The following XIRP2 variants were observed in gnomAD, a reference collection of about 807,000 sequenced individuals.
XIRP2 encodes the protein xin actin binding repeat containing 2, also known as xin actin-binding repeat-containing protein 2.
Under a neutral mutation model 277.0 loss-of-function variants are expected in XIRP2, and 236 were observed. The ratio of observed to expected loss-of-function variants is 0.85; its 90% CI spans 0.77 to 0.95. The LOEUF (loss-of-function observed/expected upper bound fraction) is 0.95, where lower values mean the gene tolerates loss of function less well. Among genes scored for constraint, XIRP2 ranks in the 40% least tolerant of loss-of-function variants. The pLI, the probability that XIRP2 is intolerant of heterozygous loss-of-function variation, is 0.00. For synonymous variants in XIRP2, 1,490 were observed against 1,416.5 expected, an observed-to-expected ratio of 1.05 and a Z score of -1.17; for missense variants, 4,640 against 4,157.5, an observed-to-expected ratio of 1.12 and a Z score of -3.19.
At chr2:167,115,298 T>C (rs1436231271) in intron 2 of XIRP2, among the ~76,000 whole-genome samples, 3 of 152,238 alleles carry the variant, frequency 2.0e-5, no homozygotes, top group Admixed American at 6.5e-5. Flanking sequence ...TGGGTTTTGA[T>C]GAATGTCCTT....
At chr2:167,191,567 G>T (rs1693336784) in intron 3 of XIRP2, among the ~76,000 whole-genome samples, 1 of 152,008 alleles carries the variant, frequency 6.6e-6, no homozygotes, top group South Asian at 2.1e-4. Context: ...TTGAAATTAG[G>T]ACAAATTGTG....
rs529973661 is a variant in XIRP2, at chr2:166,940,762, A to G, written c.408+36872A>G. ...AGAAGTGGAGGCTGCAGAACAGTGA[A>G]TATTGCTGAACAGCAAATGTTGCTG... is the stretch of plus-strand genomic sequence containing the variant. On this transcript the variant is annotated intron_variant, in intron 2 of 10. Coordinates refer to ENST00000409195, the MANE Select transcript of XIRP2 (RefSeq NM_152381.6). 3.3e-4 allele frequency among the ~76,000 whole-genome samples: 50 copies of G among 152,324 alleles called. 1 individual carries two copies. In the South Asian group the frequency reaches 4.1e-3, roughly 13 times the overall value.
intron 2 of XIRP2, among the ~76,000 whole-genome samples, chr2:167,089,782 A>G (rs866281216): frequency 6.6e-6 from 1 of 152,106 alleles, no homozygotes; most frequent in Non-Finnish European, 1.5e-5. Flanking sequence ...TTTTTTTAAG[A>G]TAAAGTTCTA....
chr2:167,059,695 A>G (rs889888305), intron 2 of XIRP2, among the ~76,000 whole-genome samples: 1 of 152,184 alleles, frequency 6.6e-6, no homozygotes, highest in Non-Finnish European at 1.5e-5. Flanking sequence ...AGAAAGCTAC[A>G]TACTTAGGGC....
rs777074793 is a variant in XIRP2 at position 167,248,853 on chromosome 2, T to C, written c.7461T>C (p.Asp2487=). The C allele has an allele frequency of 6.2e-6, 10 of 1,613,452 alleles. No homozygotes were observed. Among genetic ancestry groups the C allele is most frequent in the African/African-American group, 4.0e-5 (3 of 74,808 alleles). ...AGAACGTTATTAGTAAGAGTCTTGA[T>C]GAAAGAAAACAATTATCTATTGACT... is the stretch of plus-strand genomic sequence containing the variant. ...TKQNVISKSL[D]ERKQLSIDSA... The change falls in exon 9 of 11, where the codon GAT becomes GAC. Residue 2487 remains aspartate (D), a synonymous_variant. Transcript: ENST00000409195.
intron 2 of XIRP2, among the ~76,000 whole-genome samples, chr2:166,938,783 A>G (rs565337249): frequency 7.2e-5 from 11 of 152,150 alleles, no homozygotes; most frequent in African/African-American, 2.4e-4. Context: ...GTGCTCCTGT[A>G]TTGGGTGCAT....
intron 3 of XIRP2, among the ~76,000 whole-genome samples, chr2:167,150,772 A>C (rs1691994831): frequency 6.6e-6 from 1 of 152,058 alleles, no homozygotes; most frequent in Admixed American, 6.6e-5. Flanking sequence ...TACTATGATT[A>C]GCACACCTAT....
intron 2 of XIRP2, among the ~76,000 whole-genome samples, chr2:166,913,138 C>G (rs552821197): frequency 6.6e-6 from 1 of 152,198 alleles, no homozygotes; most frequent in Non-Finnish European, 1.5e-5. Context: ...AGCTGTCAGA[C>G]AGGGATGTTT....
chr2:166,927,970 A>T (rs890138685), intron 2 of XIRP2, among the ~76,000 whole-genome samples: 3 of 152,168 alleles, frequency 2.0e-5, no homozygotes, highest in Non-Finnish European at 2.9e-5. Flanking sequence ...AAGAAAGGCT[A>T]AACAATATCC....
chr2:167,129,156 T>C (rs1283056368), intron 2 of XIRP2, among the ~76,000 whole-genome samples: 2 of 152,188 alleles, frequency 1.3e-5, no homozygotes, highest in African/African-American at 2.4e-5. Flanking sequence ...TGGTCTTTTA[T>C]ATTTTGGTAA....
chr2:167,161,083 C>A (rs996007039), intron 3 of XIRP2, among the ~76,000 whole-genome samples: 2 of 152,212 alleles, frequency 1.3e-5, no homozygotes. Flanking sequence ...CCCTGTCTCA[C>A]CTCCAGGTCA....
At chr2:167,154,183 G>GT (rs1269424556) in intron 3 of XIRP2, among the ~76,000 whole-genome samples, 4 of 149,404 alleles carry the variant, frequency 2.7e-5, no homozygotes, top group Non-Finnish European at 4.5e-5. Context: ...TTTTTCATGT[G>GT]TTTTTTGGCT....
intron 3 of XIRP2, among the ~76,000 whole-genome samples, chr2:167,188,776 C>T (rs1693239213): frequency 6.6e-6 from 1 of 152,162 alleles, no homozygotes; most frequent in Non-Finnish European, 1.5e-5. Flanking sequence ...GGCAAAGTGC[C>T]AACTGTTTGG....
chr2:167,007,320 G>C (rs969850394), intron 2 of XIRP2, among the ~76,000 whole-genome samples: 2 of 151,298 alleles, frequency 1.3e-5, no homozygotes, highest in African/African-American at 4.8e-5. Flanking sequence ...TAAAAGTTAG[G>C]GTTCCACAAT....
intron 1 of XIRP2, among the ~76,000 whole-genome samples, chr2:166,898,159 T>A (rs1684292249): frequency 6.6e-6 from 1 of 152,152 alleles, no homozygotes; most frequent in South Asian, 2.1e-4. Flanking sequence ...GTAGGAAATT[T>A]CAGGAAGACT....
chr2:167,241,930 C>T lies in XIRP2; in HGVS notation c.1176+20C>T. ...ATTAAGGTAAAGTCATTTCTTTACACAGAAACATACTAAGTGTAAGACCAA... is the reference window on the plus strand; with the variant it reads ...ATTAAGGTAAAGTCATTTCTTTACATAGAAACATACTAAGTGTAAGACCAA... On this transcript the variant is annotated intron_variant, in intron 8 of 10. Transcript: ENST00000409195. The T allele has an allele frequency of 5.0e-6, 8 of 1,602,638 alleles. No individual in the cohort carries two copies. The highest frequency in any genetic ancestry group is 6.8e-6 in the Non-Finnish European group (8 of 1,175,726).
At chr2:167,103,665 T>C (rs1690543674) in intron 2 of XIRP2, among the ~76,000 whole-genome samples, 1 of 152,210 alleles carries the variant, frequency 6.6e-6, no homozygotes, top group Non-Finnish European at 1.5e-5. Flanking sequence ...TATACTTTGG[T>C]TCTACAGTAA....
intron 2 of XIRP2, among the ~76,000 whole-genome samples, chr2:167,122,780 G>A (rs1251389678): frequency 6.6e-6 from 1 of 152,102 alleles, no homozygotes; most frequent in Non-Finnish European, 1.5e-5. Context: ...TGGATCAATA[G>A]GTACATCACA....
intron 3 of XIRP2, among the ~76,000 whole-genome samples, chr2:167,173,291 T>C (rs1692748427): frequency 6.6e-6 from 1 of 152,188 alleles, no homozygotes; most frequent in Non-Finnish European, 1.5e-5. Context: ...ACTATGCTTC[T>C]CAGCCTCTGA....
Sources: gnomAD v4.1 joint callset for allele counts (sites outside exome capture counted in the v4.1 genomes callset) on GRCh38, gnomAD v4.1.1 for gene constraint, MANE v1.5 for transcripts, NCBI Gene and HGNC (gene_info 2026-07-23, HGNC 2026-07-21) for gene names.